CNTN6: variants seen among roughly 807,000 people sequenced by gnomAD.
CNTN6 encodes contactin-6.
A neutral mutation model predicts 122.8 loss-of-function variants in CNTN6; 137 were observed. The ratio of observed to expected loss-of-function variants is 1.12; its 90% CI spans 0.97 to 1.29. The LOEUF is 1.29. CNTN6 is among the 50% of genes most tolerant of loss of function. The probability of loss-of-function intolerance (pLI) is 0.00; values close to 1 mark genes in which losing one functional copy is unlikely to be tolerated. For synonymous variants in CNTN6, 570 were observed against 426.0 expected, an observed-to-expected ratio of 1.34 and a Z score of -4.16; for missense variants, 1,634 against 1,223.4, an observed-to-expected ratio of 1.34 and a Z score of -5.01.
chr3:1,225,406 T>C (rs1268236499), intron 3 of CNTN6, among the ~76,000 whole-genome samples: 1 of 152,222 alleles, frequency 6.6e-6, no homozygotes, highest in Non-Finnish European at 1.5e-5. Context: ...ATGGGGATAC[T>C]GTGAAAAATT....
At chr3:1,341,184 TG>T (rs1399865231) in intron 11 of CNTN6, among the ~76,000 whole-genome samples, 6 of 143,346 alleles carry the variant, frequency 4.2e-5, no homozygotes, top group Non-Finnish European at 9.6e-5. Context: ...CATAGTTTGT[TG>T]GTTTTTTTTT....
chr3:1,262,918 A>T (rs1559643983), intron 4 of CNTN6, among the ~76,000 whole-genome samples: 1 of 152,092 alleles, frequency 6.6e-6, no homozygotes, highest in Non-Finnish European at 1.5e-5. Flanking sequence ...GGTATAATAA[A>T]AAGAAAAATA....
At chr3:1,135,548 A>T (rs530215873) in intron 1 of CNTN6, among the ~76,000 whole-genome samples, 18 of 152,300 alleles carry the variant, frequency 1.2e-4, no homozygotes, top group African/African-American at 4.3e-4. Context: ...AGAGCTCAGA[A>T]CTGCAGGGTT....
chr3:1,245,139 C>G (rs553050929), intron 4 of CNTN6, among the ~76,000 whole-genome samples: 1,542 of 4,462 alleles, frequency 0.35, 75 homozygotes, highest in Middle Eastern at 0.5. Context: ...TTTGCAATAG[C>G]AAAATATGGA....
intron 4 of CNTN6, among the ~76,000 whole-genome samples, chr3:1,244,658 C>G (rs2094534342): frequency 6.6e-6 from 1 of 152,156 alleles, no homozygotes; most frequent in African/African-American, 2.4e-5. Flanking sequence ...GCCAAACAGG[C>G]TTTGTGTGAG....
intron 17 of CNTN6, among the ~76,000 whole-genome samples, chr3:1,381,246 T>C (rs748542957): frequency 1.3e-5 from 2 of 152,198 alleles, no homozygotes; most frequent in African/African-American, 2.4e-5. Context: ...TATAAATCTC[T>C]TCCATGCCAT....
intron 1 of CNTN6, among the ~76,000 whole-genome samples, chr3:1,123,575 T>C (rs1389576079): frequency 6.6e-6 from 1 of 152,058 alleles, no homozygotes; most frequent in East Asian, 1.9e-4. Flanking sequence ...TGTCCTTTAG[T>C]AGCTTTTTGG....
intron 1 of CNTN6, among the ~76,000 whole-genome samples, chr3:1,110,117 C>G (rs933018115): frequency 1.3e-5 from 2 of 151,900 alleles, no homozygotes; most frequent in Non-Finnish European, 2.9e-5. Flanking sequence ...ATGTTTTTCA[C>G]ATCTGATATT....
chr3:1,109,220 C>T (rs1565316), intron 1 of CNTN6, among the ~76,000 whole-genome samples: 142,458 of 152,148 alleles, frequency 0.94, 66,817 homozygotes, highest in East Asian at 0.99. Flanking sequence ...GGGACTTGCC[C>T]GAGACTACAG....
At chr3:1,217,827 T>C (rs1035533639) in intron 2 of CNTN6, among the ~76,000 whole-genome samples, 1 of 152,220 alleles carries the variant, frequency 6.6e-6, no homozygotes, top group Non-Finnish European at 1.5e-5. Context: ...GGTATTCTCC[T>C]GCCTTTTCAG....
At chr3:1,129,662 T>C (rs946511153) in intron 1 of CNTN6, among the ~76,000 whole-genome samples, 8 of 152,126 alleles carry the variant, frequency 5.3e-5, no homozygotes, top group African/African-American at 1.7e-4. Context: ...ATATAAGATG[T>C]TTTCTGTAAC....
intron 12 of CNTN6, among the ~76,000 whole-genome samples, chr3:1,367,294 C>T (rs1708367456): frequency 6.6e-6 from 1 of 151,984 alleles, no homozygotes; most frequent in Non-Finnish European, 1.5e-5. Context: ...AACAACATCT[C>T]CTCATTCCCC....
At chr3:1,201,747 A>G (rs1400518250) in intron 2 of CNTN6, among the ~76,000 whole-genome samples, 1 of 152,214 alleles carries the variant, frequency 6.6e-6, no homozygotes, top group Non-Finnish European at 1.5e-5. Flanking sequence ...ATTTAGACTT[A>G]TCAGTCTTGT....
chr3:1,123,412 T>TA (rs2092036444), intron 1 of CNTN6, among the ~76,000 whole-genome samples: 1 of 151,486 alleles, frequency 6.6e-6, no homozygotes, highest in Non-Finnish European at 1.5e-5. Flanking sequence ...AATGCTATTA[T>TA]ACGTTGATGT....
At chr3:1,329,496 G>A (rs2125997892) in intron 10 of CNTN6, among the ~76,000 whole-genome samples, 1 of 151,740 alleles carries the variant, frequency 6.6e-6, no homozygotes, top group Non-Finnish European at 1.5e-5. Context: ...CATTTATTGA[G>A]CCTATACTTT....
intron 1 of CNTN6, among the ~76,000 whole-genome samples, chr3:1,093,758 A>T (rs2090367467): frequency 6.6e-6 from 1 of 152,174 alleles, no homozygotes; most frequent in African/African-American, 2.4e-5. Flanking sequence ...AGTTGTCAGT[A>T]TTAAGGTTCT....
intron 1 of CNTN6, among the ~76,000 whole-genome samples, chr3:1,107,763 C>G (rs895953667): frequency 6.6e-6 from 1 of 151,954 alleles, no homozygotes; most frequent in Admixed American, 6.6e-5. Flanking sequence ...GTGACCTGAA[C>G]GACAGACCAA....
At chr3:1,225,170 GC>G (rs1352919345) in intron 3 of CNTN6, among the ~76,000 whole-genome samples, 1 of 152,186 alleles carries the variant, frequency 6.6e-6, no homozygotes. Flanking sequence ...TAATTCAGAT[GC>G]TAAAAGCAAT....
chr3:1,154,140 T>C (rs1414440822), intron 2 of CNTN6, among the ~76,000 whole-genome samples: 1 of 152,186 alleles, frequency 6.6e-6, no homozygotes, highest in Non-Finnish European at 1.5e-5. Context: ...TCCAAAGTAA[T>C]TGATTCTTAA....
Sources: gnomAD v4.1 joint callset for allele counts (sites outside exome capture counted in the v4.1 genomes callset) on GRCh38, gnomAD v4.1.1 for gene constraint, MANE v1.5 for transcripts, NCBI Gene and HGNC (gene_info 2026-07-23, HGNC 2026-07-21) for gene names.